The following CRYM variants were observed in gnomAD, a reference collection of about 807,000 sequenced individuals.
The protein encoded by CRYM is ketimine reductase mu-crystallin.
In CRYM, 18 loss-of-function variants were observed where a neutral mutation model predicts 32.9. That is an observed-to-expected ratio of 0.55 (90% CI 0.38 to 0.81). The LOEUF is 0.81. CRYM is among the 30% of genes least tolerant of loss of function. CRYM has a pLI of 0.00. For missense variants in CRYM, 337 were observed against 393.5 expected, an observed-to-expected ratio of 0.86 and a Z score of 1.21; for synonymous variants, 153 against 152.4, an observed-to-expected ratio of 1.00 and a Z score of -0.03.
intron 4 of CRYM, among the ~76,000 whole-genome samples, chr16:21,268,875 G>C (rs1010303522): frequency 6.6e-6 from 1 of 152,164 alleles, no homozygotes; most frequent in Non-Finnish European, 1.5e-5. Flanking sequence ...TGGGCGCAGT[G>C]GTTCACGCCT....
At position 21,260,768 on chromosome 16, in the gene CRYM, G is replaced by A. The variant is rs1289469038; in HGVS notation, c.880+486C>T. On this transcript the variant is annotated intron_variant, in intron 7 of 7. Transcript: ENST00000572914. ...GGAAGCCCTCCTCAAAGCAGCAAGT[G>A]GGAGAGTAGGGAAGGAGGGAATGAA... 2.0e-5 allele frequency among the ~76,000 whole-genome samples: 3 copies of A among 152,200 alleles called. No homozygotes were observed. The East Asian group carries it at 5.8e-4, about 29-fold the overall frequency.
chr16:21,290,207 C>T (rs936003446), intron 1 of CRYM, among the ~76,000 whole-genome samples: 58 of 152,294 alleles, frequency 3.8e-4, no homozygotes, highest in African/African-American at 7.2e-5. Context: ...CACAATAAGT[C>T]TTGCTGCTGC....
At position 21,277,609 on chromosome 16, in the gene CRYM, C is replaced by T. The variant is rs2093389593; in HGVS notation, c.171-25G>A. On this transcript the variant is annotated intron_variant, in intron 1 of 7. Transcript: ENST00000572914. The surrounding 1 kb of genome is among the most constrained non-coding windows in gnomAD (Gnocchi z 4.2). ...GCTACAAGGAGAGAGGGAGCAGCTT[C>T]AGCCCCTTCCCATCAATGCTGGGGT... 5 of 1,612,636 alleles carry T rather than the reference C, an allele frequency of 3.1e-6. No homozygotes were observed. The highest frequency in any genetic ancestry group is 4.2e-6 in the Non-Finnish European group (5 of 1,179,918).
chr16:21,283,983 C>T (rs973252045), intron 1 of CRYM: 3 of 152,364 alleles, frequency 2.0e-5, no homozygotes, highest in African/African-American at 7.2e-5. Context: ...GCTCGGGAGC[C>T]CCGGCCAGCC....
At chr16:21,265,272 C>T (rs1055863983) in intron 5 of CRYM, among the ~76,000 whole-genome samples, 1 of 152,194 alleles carries the variant, frequency 6.6e-6, no homozygotes, top group African/African-American at 2.4e-5. Context: ...ATTCCTCAAA[C>T]ACGCCATGTT....
At chr16:21,263,883 C>T (rs2093359109) in intron 5 of CRYM, among the ~76,000 whole-genome samples, 1 of 152,224 alleles carries the variant, frequency 6.6e-6, no homozygotes, top group Non-Finnish European at 1.5e-5. Flanking sequence ...CTAATCATTA[C>T]CACGTGTGAA....
chr16:21,301,439 A>G (rs1358627289), intron 1 of CRYM: 1 of 140,790 alleles, frequency 7.1e-6, no homozygotes, highest in South Asian at 2.3e-4. Context: ...GGTGGGTGGG[A>G]GCATGAGACG....
At chr16:21,287,345 A>G (rs1177193355) in intron 1 of CRYM, among the ~76,000 whole-genome samples, 1 of 152,196 alleles carries the variant, frequency 6.6e-6, no homozygotes, top group Admixed American at 6.5e-5. Flanking sequence ...GTATGATATA[A>G]CAGAAATATG....
rs778288718 is a variant in CRYM at position 21,267,551 on chromosome 16, T to A, written c.673+3A>T. The A allele has an allele frequency of 6.2e-7, 1 of 1,613,504 alleles. No individual in the cohort carries two copies. Among genetic ancestry groups the A allele is most frequent in the East Asian group, 2.2e-5 (1 of 44,884 alleles). On this transcript the variant is annotated splice_donor_region_variant and intron_variant, in intron 5 of 7. Coordinates refer to ENST00000572914, the MANE Select transcript of CRYM (RefSeq NM_001376256.1). Reference sequence around the variant, plus strand: ...TCATGCCTTATGGAGCCACTCTACTTACCATTGATGTGAGCCCCTGGCTTC... The same window carrying A: ...TCATGCCTTATGGAGCCACTCTACTAACCATTGATGTGAGCCCCTGGCTTC...
At chr16:21,260,976 A>T in intron 7 of CRYM, 3 of 520,950 alleles carry the variant, frequency 5.8e-6, no homozygotes. Flanking sequence ...CCTAATCCTC[A>T]ATGGTAACAG....
intron 1 of CRYM, among the ~76,000 whole-genome samples, chr16:21,285,336 A>G (rs1490342136): frequency 2.6e-5 from 4 of 152,228 alleles, no homozygotes; most frequent in Non-Finnish European, 4.4e-5. Context: ...GAGGCTAGGA[A>G]GCCAAACCAA....
intron 1 of CRYM, among the ~76,000 whole-genome samples, chr16:21,294,975 G>A (rs928714169): frequency 6.6e-6 from 1 of 152,074 alleles, no homozygotes; most frequent in African/African-American, 2.4e-5. Context: ...GATTATAGGC[G>A]TGAACCACCA....
chr16:21,281,235 T>C (rs1433452626), upstream of CRYM, among the ~76,000 whole-genome samples: 1 of 151,470 alleles, frequency 6.6e-6, no homozygotes, highest in Non-Finnish European at 1.5e-5. Flanking sequence ...TATAGATATG[T>C]ATATATGTGC....
In CRYM at chr16:21,262,111, T is replaced by C. The variant is rs1290882938; in HGVS notation, c.721A>G (p.Met241Val). 4 of 1,614,022 alleles carry C rather than the reference T, an allele frequency of 2.5e-6. No homozygotes were observed. The highest frequency in any genetic ancestry group is 3.4e-6 in the Non-Finnish European group (4 of 1,180,002). Residue 241 changes from methionine (M) to valine (V), a missense_variant, in exon 6 of 8, where the codon ATG becomes GTG. Coordinates refer to ENST00000572914, the MANE Select transcript of CRYM (RefSeq NM_001376256.1). ...TCCACGTACAGCACAGCTTCTTTCATGAGCTCATCATCCAGTTCTCTCCAG... is the reference window on the plus strand; with the variant it reads ...TCCACGTACAGCACAGCTTCTTTCACGAGCTCATCATCCAGTTCTCTCCAG... ...PDWRELDDEL[M>V]KEAVLYVDSQ...
chr16:21,261,238 G>T lies in CRYM; in HGVS notation c.880+16C>A. ...TGCGCTAGTTGGATTTGTGCCCAGG[G>T]AGCAATGGATCTTACCCAAAGACTT... On this transcript the variant is annotated intron_variant, in intron 7 of 7. Coordinates refer to ENST00000572914, the MANE Select transcript of CRYM (RefSeq NM_001376256.1). 1.9e-6 allele frequency: 3 copies of T among 1,605,034 alleles called. No individual in the cohort carries two copies. Among genetic ancestry groups the T allele is most frequent in the Non-Finnish European group, 2.6e-6 (3 of 1,172,082 alleles).
intron 3 of CRYM, among the ~76,000 whole-genome samples, chr16:21,274,052 T>G (rs1567234594): frequency 6.6e-6 from 1 of 152,204 alleles, no homozygotes; most frequent in Non-Finnish European, 1.5e-5. Flanking sequence ...TGGTCTTTGC[T>G]GCTGCAACTT....
chr16:21,262,554 GGT>G (rs1333457770), intron 5 of CRYM, among the ~76,000 whole-genome samples: 1 of 152,120 alleles, frequency 6.6e-6, no homozygotes, highest in Non-Finnish European at 1.5e-5. Flanking sequence ...GGGAGGCGGA[GGT>G]TGCAGTGAGC....
chr16:21,278,112 C>A lies in CRYM; in HGVS notation c.140G>T (p.Arg47Leu), dbSNP rs1197302908. ...GTGCTTGGTCACCGGCACCACGGTG[C>A]GCACGGGCTGCATGACCCCTCCTTC... ...GPEGGVMQPV[R>L]TVVPVTKHRG... The change falls in exon 1 of 8, where the codon CGC becomes CTC. Residue 47 changes from arginine to leucine, a missense_variant. Transcript: ENST00000572914. 3 of 1,548,038 alleles carry A rather than the reference C, an allele frequency of 1.9e-6. No individual in the cohort carries two copies. In the Admixed American group the frequency reaches 5.9e-5, roughly 30 times the overall value.
intron 1 of CRYM, among the ~76,000 whole-genome samples, chr16:21,302,807 A>G (rs568445331): frequency 4.6e-5 from 7 of 152,234 alleles, no homozygotes; most frequent in Non-Finnish European, 8.8e-5. Context: ...CTGGTTTGTA[A>G]AACTAGTAAG....
Sources: allele counts gnomAD v4.1 joint callset (sites outside exome capture counted in the v4.1 genomes callset), GRCh38; gene constraint gnomAD v4.1.1; non-coding constraint Gnocchi (gnomAD v3.1); transcripts MANE v1.5; gene names NCBI Gene and HGNC (gene_info 2026-07-23, HGNC 2026-07-21).